KLHDC10: variants seen among roughly 807,000 people sequenced by gnomAD.
KLHDC10 encodes the protein kelch domain-containing protein 10.
In KLHDC10, 24 loss-of-function variants were observed where a neutral mutation model predicts 56.1. The ratio of observed to expected loss-of-function variants is 0.43; its 90% CI spans 0.31 to 0.60. The LOEUF (loss-of-function observed/expected upper bound fraction) is 0.60. Among genes scored for constraint, KLHDC10 ranks in the 20% least tolerant of loss-of-function variants. The pLI is 0.11. For missense variants in KLHDC10, 349 were observed against 567.0 expected (o/e 0.62, Z 3.91); for synonymous variants, 188 against 207.1 (o/e 0.91, Z 0.79).
At chr7:130,092,788 C>T (rs1234529563) in intron 1 of KLHDC10, among the ~76,000 whole-genome samples, 1 of 152,150 alleles carries the variant, frequency 6.6e-6, no homozygotes, top group Non-Finnish European at 1.5e-5. Flanking sequence ...ATCACTTAGG[C>T]TGTAAATGTT....
intron 2 of KLHDC10, among the ~76,000 whole-genome samples, chr7:130,114,547 T>C (rs1221245498): frequency 6.6e-6 from 1 of 152,142 alleles, no homozygotes; most frequent in Non-Finnish European, 1.5e-5. Flanking sequence ...ACTTAGACAT[T>C]TATAGGAGCT....
rs1353060343 is a variant in KLHDC10 at position 130,135,470 on chromosome 7, G to A, written c.*4724G>A. On this transcript the variant is annotated 3_prime_UTR_variant, in exon 10 of 10. Transcript: ENST00000335420. Reference sequence around the variant, plus strand: ...TATGCTTGGGCCATACACAATGCTCGCCTTACTTTAAAGCTATTTTGCCAC... The same window carrying A: ...TATGCTTGGGCCATACACAATGCTCACCTTACTTTAAAGCTATTTTGCCAC... 2 of 154,354 alleles carry A rather than the reference G, an allele frequency of 1.3e-5. No homozygotes were observed. The highest frequency in any genetic ancestry group is 2.9e-5 in the Non-Finnish European group (2 of 68,214). The allele number at this position is 154,354 out of a possible 1,614,324, so 9.6% of individuals were successfully genotyped here.
intron 2 of KLHDC10, among the ~76,000 whole-genome samples, chr7:130,104,080 T>TC (rs1459627043): frequency 1.4e-4 from 21 of 151,786 alleles, no homozygotes; most frequent in African/African-American, 4.6e-4. Flanking sequence ...AGAGCAAGAC[T>TC]CCATCTCAAA....
At chr7:130,114,140 TACTA>T (rs1260928020) in intron 2 of KLHDC10, among the ~76,000 whole-genome samples, 2 of 152,220 alleles carry the variant, frequency 1.3e-5, no homozygotes, top group African/African-American at 4.8e-5. Flanking sequence ...TGTTTTTAGG[TACTA>T]ACTGTTTTAG....
rs115073871 is a variant in KLHDC10, at chr7:130,078,509, G to A, written c.166+7700G>A. 8.4e-3 allele frequency among the ~76,000 whole-genome samples: 1,280 copies of A among 152,016 alleles called. 21 individuals carry two copies. The highest frequency in any genetic ancestry group is 0.029 in the African/African-American group (1,212 of 41,478). On this transcript the variant is annotated intron_variant, in intron 1 of 9. Transcript: ENST00000335420. ...CGGGATTACAGGTATAAGCCTCCGCGCCCTGCCTTCCTTTTCACTCTTTTT... is the reference window on the plus strand; with the variant it reads ...CGGGATTACAGGTATAAGCCTCCGCACCCTGCCTTCCTTTTCACTCTTTTT...
Position 130,116,715 on chromosome 7 carries a change from G to T in KLHDC10, c.475+49G>T. On this transcript the variant is annotated intron_variant, in intron 3 of 9. Transcript: ENST00000335420. The surrounding 1 kb of genome is among the most constrained non-coding windows in gnomAD (Gnocchi z 4.8). ...CCTGACTTTATGAAATGTCTGAGAA[G>T]CCAGGTTCAATGTCCCATATTCCTC... 6.9e-7 allele frequency: 1 copy of T among 1,459,110 alleles called. No individual in the cohort carries two copies. Among genetic ancestry groups the T allele is most frequent in the Non-Finnish European group, 9.6e-7 (1 of 1,040,388 alleles). The allele number at this position is 1,459,110 out of a possible 1,614,324, so 90.4% of individuals were successfully genotyped here.
chr7:130,092,433 G>A (rs1196400130), intron 1 of KLHDC10, among the ~76,000 whole-genome samples: 3 of 152,130 alleles, frequency 2.0e-5, no homozygotes, highest in Admixed American at 6.5e-5. Flanking sequence ...TTTATCGTGA[G>A]TCCTAGTTAG....
At chr7:130,126,712 CAAAA>C (rs916964247) in intron 7 of KLHDC10, among the ~76,000 whole-genome samples, 1 of 151,946 alleles carries the variant, frequency 6.6e-6, no homozygotes, top group Admixed American at 6.6e-5. Flanking sequence ...CAAAAACTAA[CAAAA>C]AAACACAGTA....
intron 2 of KLHDC10, among the ~76,000 whole-genome samples, chr7:130,108,859 C>T (rs1037166270): frequency 1.3e-5 from 2 of 152,092 alleles, no homozygotes; most frequent in Non-Finnish European, 2.9e-5. Flanking sequence ...ATACACAATA[C>T]GCACATACAT....
intron 5 of KLHDC10, among the ~76,000 whole-genome samples, chr7:130,123,285 G>A (rs775219762): frequency 3.3e-5 from 5 of 152,174 alleles, no homozygotes; most frequent in Non-Finnish European, 7.4e-5. Context: ...TGGCCAACAT[G>A]GTGAAACCCT....
In KLHDC10 at chr7:130,120,085, T is replaced by G. The variant is rs1291321716; in HGVS notation, c.476-664T>G. ...AATGACAGAAACCATAATTGTAAAT[T>G]TAGAAATCATTCTCCTGGCAAAAAC... On this transcript the variant is annotated intron_variant, in intron 3 of 9. Transcript: ENST00000335420. The surrounding 1 kb of genome is among the most constrained non-coding windows in gnomAD (Gnocchi z 5.1). 6.6e-6 allele frequency among the ~76,000 whole-genome samples: 1 copy of G among 152,174 alleles called. No individual in the cohort carries two copies. Among genetic ancestry groups the G allele is most frequent in the East Asian group, 1.9e-4 (1 of 5,192 alleles).
At chr7:130,128,754 T>C (rs562259832) in intron 8 of KLHDC10, among the ~76,000 whole-genome samples, 6 of 151,092 alleles carry the variant, frequency 4.0e-5, no homozygotes, top group Admixed American at 1.3e-4. Context: ...AAAATTTTTT[T>C]TGAGGCCAGG....
intron 2 of KLHDC10, among the ~76,000 whole-genome samples, chr7:130,111,057 G>A (rs1361463898): frequency 1.3e-5 from 2 of 152,108 alleles, no homozygotes; most frequent in South Asian, 2.1e-4. Flanking sequence ...AGAACATGTC[G>A]ATTTAGTATA....
chr7:130,077,369 A>AAAC (rs1795522530), intron 1 of KLHDC10, among the ~76,000 whole-genome samples: 2 of 148,600 alleles, frequency 1.3e-5, no homozygotes, highest in African/African-American at 4.9e-5. Flanking sequence ...AAAAAAAAAA[A>AAAC]AAAAAAAAAA....
At chr7:130,129,323 G>A in intron 8 of KLHDC10, 114 bp from the exon 9 acceptor site, 1 of 1,175,710 alleles carries the variant, frequency 8.5e-7, no homozygotes, top group South Asian at 1.5e-5. Flanking sequence ...TCTGTGTCAT[G>A]GGGCAATCCA....
intron 2 of KLHDC10, among the ~76,000 whole-genome samples, chr7:130,105,740 C>T (rs771003781): frequency 2.0e-5 from 3 of 152,128 alleles, no homozygotes; most frequent in Non-Finnish European, 4.4e-5. Flanking sequence ...TGGCTGTATT[C>T]TGTTTCTTGA....
chr7:130,075,171 G>T (rs1795480529), intron 1 of KLHDC10, among the ~76,000 whole-genome samples: 1 of 152,156 alleles, frequency 6.6e-6, no homozygotes, highest in African/African-American at 2.4e-5. Context: ...GAGCTCAGGA[G>T]CGCGGGGTTC....
intron 8 of KLHDC10, among the ~76,000 whole-genome samples, chr7:130,128,889 A>AAAAAAAAAATATATATAT: frequency 3.3e-4 from 22 of 66,952 alleles, no homozygotes; most frequent in African/African-American, 1.6e-3. Flanking sequence ...AAAAAAAAAA[A>AAAAAAAAAATATATATAT]ATATATATAT....
At chr7:130,128,889 A>AAAAAAAAAAAAAATATAT in intron 8 of KLHDC10, among the ~76,000 whole-genome samples, 1 of 66,956 alleles carries the variant, frequency 1.5e-5, no homozygotes, top group Non-Finnish European at 2.8e-5. Context: ...AAAAAAAAAA[A>AAAAAAAAAAAAAATATAT]ATATATATAT....
Sources: allele counts gnomAD v4.1 joint callset (sites outside exome capture counted in the v4.1 genomes callset), GRCh38; gene constraint gnomAD v4.1.1; non-coding constraint Gnocchi (gnomAD v3.1); transcripts MANE v1.5; gene names NCBI Gene and HGNC (gene_info 2026-07-23, HGNC 2026-07-21).